The following KYNU variants were observed in gnomAD, a reference collection of about 807,000 sequenced individuals.
KYNU encodes the protein kynureninase.
In KYNU, 54 loss-of-function variants were observed where a neutral mutation model predicts 59.2. That is an observed-to-expected ratio of 0.91 (90% confidence interval 0.73 to 1.14). The LOEUF (loss-of-function observed/expected upper bound fraction) is 1.14. KYNU is among the 50% of genes most tolerant of loss of function. The pLI is 0.00. For missense variants in KYNU, 567 were observed against 554.4 expected (o/e 1.02, Z -0.23); for synonymous variants, 177 against 192.0 (o/e 0.92, Z 0.65).
intron 2 of KYNU, among the ~76,000 whole-genome samples, chr2:142,914,740 G>A (rs1682616086): frequency 6.6e-6 from 1 of 152,186 alleles, no homozygotes; most frequent in African/African-American, 2.4e-5. Context: ...GGCAACATGA[G>A]CTATGTCCGT....
intron 12 of KYNU, 86 bp downstream of exon 12, chr2:143,033,407 A>G: frequency 5.2e-6 from 5 of 957,076 alleles, no homozygotes; most frequent in East Asian, 4.8e-5. Context: ...TCTCTGCTAC[A>G]CAGCAAGATG....
At chr2:142,914,485 C>G (rs1280119878) in intron 2 of KYNU, among the ~76,000 whole-genome samples, 2 of 152,186 alleles carry the variant, frequency 1.3e-5, no homozygotes, top group African/African-American at 4.8e-5. Flanking sequence ...CTGCCCATAT[C>G]TGGGGAGCTC....
chr2:143,002,329 T>C lies in KYNU; in HGVS notation c.902+16308T>C, dbSNP rs745684869. 5.3e-5 allele frequency among the ~76,000 whole-genome samples: 8 copies of C among 152,342 alleles called. No individual in the cohort carries two copies. The South Asian group carries it at 1.7e-3, about 32-fold the overall frequency. ...ATAAAACATTAATAAAACCCCAATG[T>C]CTTGACCACAGTTACGGAATCAGTT... On this transcript the variant is annotated intron_variant, in intron 10 of 13. Coordinates refer to ENST00000264170, the MANE Select transcript of KYNU (RefSeq NM_003937.3).
intron 2 of KYNU, among the ~76,000 whole-genome samples, chr2:142,906,873 C>G (rs1400552867): frequency 1.3e-5 from 2 of 152,102 alleles, no homozygotes; most frequent in Non-Finnish European, 2.9e-5. Context: ...CCCTTGGCAT[C>G]CCTAGGAAAA....
chr2:142,918,572 ATTTTTTTT>A, intron 2 of KYNU, 29 bp from the exon 3 acceptor site: 1 of 1,310,852 alleles, frequency 7.6e-7, no homozygotes, highest in South Asian at 1.5e-5. Context: ...AAAAGCTTTT[ATTTTTTTT>A]TTTTTTTTTG....
chr2:142,956,397 T>G (rs1291141552), intron 6 of KYNU, 123 bp downstream of exon 6: 5 of 639,294 alleles, frequency 7.8e-6, no homozygotes, highest in Non-Finnish European at 1.4e-5. Flanking sequence ...AAAAGATCTG[T>G]CAAATGCTTT....
rs1240285685 is a variant in KYNU, at chr2:143,010,070, G to A, written c.903-19557G>A. 4.3e-3 allele frequency among the ~76,000 whole-genome samples: 624 copies of A among 143,844 alleles called. 4 individuals are homozygous for A. Among genetic ancestry groups the A allele is most frequent in the African/African-American group, 0.016 (577 of 36,768 alleles). The allele number at this position is 143,844 out of a possible 152,430, so 94.4% of individuals were successfully genotyped here. On this transcript the variant is annotated intron_variant, in intron 10 of 13. Transcript: ENST00000264170. ...TGGAAGTTCTGGCCAGGGCAGTTAGGCAAGAGAAGGAAATAAAGGGTACCC... is the reference window on the plus strand; with the variant it reads ...TGGAAGTTCTGGCCAGGGCAGTTAGACAAGAGAAGGAAATAAAGGGTACCC...
chr2:143,041,123 A>C (rs1445948172), intron 13 of KYNU, among the ~76,000 whole-genome samples: 1 of 151,998 alleles, frequency 6.6e-6, no homozygotes, highest in East Asian at 1.9e-4. Context: ...ATATATATAC[A>C]CTTCTCAGGA....
At chr2:143,015,215 T>A (rs1686214255) in intron 10 of KYNU, among the ~76,000 whole-genome samples, 1 of 152,216 alleles carries the variant, frequency 6.6e-6, no homozygotes, top group Admixed American at 6.5e-5. Flanking sequence ...ACAACAATTC[T>A]GAAGCTAAAT....
intron 7 of KYNU, among the ~76,000 whole-genome samples, chr2:142,958,642 A>G (rs1684243956): frequency 6.6e-6 from 1 of 152,210 alleles, no homozygotes; most frequent in Non-Finnish European, 1.5e-5. Flanking sequence ...ATAAATTGTT[A>G]ATTTCTAGCA....
Position 143,042,150 on chromosome 2 carries a change from A to T in KYNU, c.1376A>T (p.Asp459Val). ...ACCAATCTGCTCACTTCTATACTTG[A>T]CTCTGCAGAAACAAAAAATTAGCAG... is the stretch of plus-strand genomic sequence containing the variant. ...KFTNLLTSIL[D>V]SAETKN Residue 459 changes from aspartate (D) to valine (V), a missense_variant, in exon 14 of 14, where the codon GAC (aspartate) becomes GTC (valine). By Grantham distance (152) the Asp-to-Val change is radical (BLOSUM62 -3). Transcript: ENST00000264170. 6.2e-7 allele frequency: 1 copy of T among 1,609,842 alleles called. No individual in the cohort carries two copies. The highest frequency in any genetic ancestry group is 8.5e-7 in the Non-Finnish European group (1 of 1,178,412).
chr2:143,031,819 A>C (rs1368326104), intron 11 of KYNU, among the ~76,000 whole-genome samples: 1 of 152,224 alleles, frequency 6.6e-6, no homozygotes, highest in African/African-American at 2.4e-5. Flanking sequence ...ATACCACCTG[A>C]GACTCAGTAA....
chr2:142,977,449 G>T (rs1453620230), intron 8 of KYNU, among the ~76,000 whole-genome samples: 3 of 147,534 alleles, frequency 2.0e-5, no homozygotes, highest in African/African-American at 7.5e-5. Context: ...ATTAAAATAA[G>T]TTGGAACAGT....
chr2:143,030,780 C>T (rs1469280545), intron 11 of KYNU, among the ~76,000 whole-genome samples: 1 of 101,804 alleles, frequency 9.8e-6, no homozygotes, highest in African/African-American at 3.0e-5. Flanking sequence ...ATAAGCCCAT[C>T]ATAAGCTGAA....
intron 2 of KYNU, among the ~76,000 whole-genome samples, chr2:142,899,528 G>C (rs1470350952): frequency 6.6e-6 from 1 of 152,124 alleles, no homozygotes; most frequent in Non-Finnish European, 1.5e-5. Context: ...AGTGCTGTTG[G>C]GGAAGTTGGC....
At chr2:142,958,783 C>T (rs1456121549) in intron 7 of KYNU, among the ~76,000 whole-genome samples, 1 of 151,990 alleles carries the variant, frequency 6.6e-6, no homozygotes, top group African/African-American at 2.4e-5. Context: ...CGTATCCTGT[C>T]GTTGAAAAAT....
rs770642379 is a variant in KYNU, at chr2:143,040,429, TCTTTAAG to T, written c.1045_1051del (p.Phe349LysfsTer4). On this transcript the variant is annotated frameshift_variant and splice_region_variant, in exon 13 of 14. Coordinates refer to ENST00000264170, the MANE Select transcript of KYNU (RefSeq NM_003937.3). LOFTEE classifies it high-confidence loss of function. ...ATCTGATTGTTTCTCATTCCACAGA[TCTTTAAG>T]CAAGCGACAATGAAGGCATTGCGGA... is the stretch of plus-strand genomic sequence containing the variant. The T allele has an allele frequency of 9.7e-5, 156 of 1,609,320 alleles. No homozygotes were observed. Among genetic ancestry groups the T allele is most frequent in the Non-Finnish European group, 1.3e-4 (155 of 1,176,152 alleles).
chr2:142,999,007 CAAAAAAAA>C (rs59742828), intron 10 of KYNU, among the ~76,000 whole-genome samples: 1 of 63,488 alleles, frequency 1.6e-5, no homozygotes, highest in Non-Finnish European at 3.0e-5. Flanking sequence ...GACTCCGTCT[CAAAAAAAA>C]AAAAAAAAAA....
intron 4 of KYNU, among the ~76,000 whole-genome samples, chr2:142,943,964 T>C (rs1001172231): frequency 6.6e-6 from 1 of 152,202 alleles, no homozygotes; most frequent in Non-Finnish European, 1.5e-5. Flanking sequence ...TCTTATCCAA[T>C]GGTAAACAGC....
Sources: allele counts gnomAD v4.1 joint callset (sites outside exome capture counted in the v4.1 genomes callset), GRCh38; gene constraint gnomAD v4.1.1; transcripts MANE v1.5; gene names NCBI Gene and HGNC (gene_info 2026-07-23, HGNC 2026-07-21).